The following PGAP1 variants were observed in gnomAD, a reference collection of about 807,000 sequenced individuals.
PGAP1 encodes the protein post-GPI attachment to proteins inositol deacylase 1.
PGAP1 carries 76 observed loss-of-function variants against 127.0 expected under a neutral mutation model. The ratio of observed to expected loss-of-function variants is 0.60; its 90% CI spans 0.50 to 0.72. The LOEUF (loss-of-function observed/expected upper bound fraction) is 0.72. Ranked by LOEUF, PGAP1 falls within the 30% of genes least tolerant of loss-of-function variation. PGAP1 has a pLI of 0.00. For synonymous variants in PGAP1, 362 were observed against 366.5 expected (o/e 0.99, Z 0.14); for missense variants, 982 against 1,071.3 (o/e 0.92, Z 1.16).
chr2:196,881,356 T>C (rs902841965), intron 12 of PGAP1, among the ~76,000 whole-genome samples: 4 of 152,190 alleles, frequency 2.6e-5, no homozygotes, highest in African/African-American at 7.2e-5. Flanking sequence ...TATAATAGAA[T>C]GCTTTATATT....
rs779641500 is a variant in PGAP1, at chr2:196,872,983, A to C, written c.1596T>G (p.Tyr532Ter). The C allele has an allele frequency of 2.8e-6, 3 of 1,081,010 alleles. No individual in the cohort carries two copies. The highest frequency in any genetic ancestry group is 4.1e-6 in the Non-Finnish European group (3 of 735,382). 67.0% of individuals were successfully genotyped at this position (1,081,010 alleles called of 1,614,324 possible). ...ACTGTGCAATGGTTAGTGAATCTTC[A>C]TAAGACCAAGGAATATGAAGTCTAT... ...SIYRLHIPWS[Y>*]EDSLTIAQAP... is the part of the protein sequence containing the mutation. The change falls in exon 17 of 27, where the codon TAT (tyrosine) becomes TAG (stop). Residue 532 changes from tyrosine to a stop codon, truncating the protein, a stop_gained. Coordinates refer to ENST00000354764, the MANE Select transcript of PGAP1 (RefSeq NM_024989.4). LOFTEE classifies it high-confidence loss of function.
At chr2:196,881,565 C>A (rs938503456) in intron 12 of PGAP1, among the ~76,000 whole-genome samples, 1 of 152,212 alleles carries the variant, frequency 6.6e-6, no homozygotes, top group Non-Finnish European at 1.5e-5. Flanking sequence ...GCCATTCTGA[C>A]TGGTGCGAGA....
In PGAP1 at chr2:196,844,568, G is replaced by C. The variant is rs1203333153; in HGVS notation, c.2293C>G (p.His765Asp). Residue 765 changes from histidine (H) to aspartate (D), a missense_variant, in exon 24 of 27, where the codon CAT becomes GAT. Coordinates refer to ENST00000354764, the MANE Select transcript of PGAP1 (RefSeq NM_024989.4). ...SYLYYVFKVV[H>D]LQASLTTFKN... ...AAAGTTGTTAAGCTGGCTTGCAGAT[G>C]AACAACCTAAGAAAAATAAATTGCT... 8 of 1,593,608 alleles carry C rather than the reference G, an allele frequency of 5.0e-6. No individual in the cohort carries two copies. Among genetic ancestry groups the C allele is most frequent in the Non-Finnish European group, 6.0e-6 (7 of 1,171,668 alleles).
At chr2:196,911,449 A>T (rs1202841768) in intron 4 of PGAP1, among the ~76,000 whole-genome samples, 3 of 76,918 alleles carry the variant, frequency 3.9e-5, no homozygotes, top group African/African-American at 1.5e-4. Flanking sequence ...CACTCTGGGG[A>T]CTGTGGTGGG....
intron 2 of PGAP1, 112 bp downstream of exon 2, chr2:196,919,885 T>C: frequency 9.1e-7 from 1 of 1,104,650 alleles, no homozygotes. Context: ...GCACAGCACT[T>C]CACACACAGC....
Position 196,912,874 on chromosome 2 carries a change from G to A in PGAP1, c.649+8C>T. 1.9e-6 allele frequency: 3 copies of A among 1,598,394 alleles called. No homozygotes were observed. Among genetic ancestry groups the A allele is most frequent in the South Asian group, 2.3e-5 (2 of 88,034 alleles). ...TGGGGAGGTTAATGTTCATGTAACA[G>A]TACTCACCTGTAATGAAACGATCTA... is the stretch of plus-strand genomic sequence containing the variant. On this transcript the variant is annotated splice_region_variant and intron_variant, in intron 4 of 26. Transcript: ENST00000354764.
chr2:196,841,252 T>C lies in PGAP1; in HGVS notation c.2751A>G (p.Ala917=). ...TCCAATCTTACATAAAGTTGCATAA[T>C]GCATGGAGTAAAAGAGGAATGAAGA... ...CFVFIPLLLH[A]LCNFM The change falls in exon 27 of 27, where the codon GCA becomes GCG. Residue 917 remains alanine, a synonymous_variant. Transcript: ENST00000354764. 1 of 1,613,210 alleles carries C rather than the reference T, an allele frequency of 6.2e-7. No individual in the cohort carries two copies. The highest frequency in any genetic ancestry group is 8.5e-7 in the Non-Finnish European group (1 of 1,179,682).
intron 23 of PGAP1, among the ~76,000 whole-genome samples, chr2:196,844,824 C>A (rs998632919): frequency 6.6e-6 from 1 of 152,154 alleles, no homozygotes; most frequent in Admixed American, 6.5e-5. Flanking sequence ...ACAATACAAA[C>A]TTCTGGAGTA....
At chr2:196,881,796 T>A (rs1701741728) in intron 12 of PGAP1, among the ~76,000 whole-genome samples, 1 of 152,248 alleles carries the variant, frequency 6.6e-6, no homozygotes, top group South Asian at 2.1e-4. Flanking sequence ...TTGCAAAATT[T>A]TTCTCCCATT....
Position 196,873,539 on chromosome 2 carries a change from G to A in PGAP1, c.1541C>T (p.Ser514Leu), listed in dbSNP as rs1701469667. 6 of 1,609,254 alleles carry A rather than the reference G, an allele frequency of 3.7e-6. No individual in the cohort carries two copies. The highest frequency in any genetic ancestry group is 5.1e-6 in the Non-Finnish European group (6 of 1,177,456). The change falls in exon 16 of 27, where the codon TCA (serine) becomes TTA (leucine). Residue 514 changes from serine (S) to leucine (L), a missense_variant. By Grantham distance (145) the Ser-to-Leu change is moderately radical. Transcript: ENST00000354764. ...AFKINVVSKC[S>L]AVKEEITSIY... Reference sequence around the variant, plus strand: ...GAAAACATATTTACCTTTGACTGCTGAGCACTTGCTTACCACGTTGATTTT... The same window carrying A: ...GAAAACATATTTACCTTTGACTGCTAAGCACTTGCTTACCACGTTGATTTT...
rs1413431383 is a variant in PGAP1 at position 196,840,593 on chromosome 2, T to C, written c.*641A>G. On this transcript the variant is annotated 3_prime_UTR_variant, in exon 27 of 27. Coordinates refer to ENST00000354764, the MANE Select transcript of PGAP1 (RefSeq NM_024989.4). Reference sequence around the variant, plus strand: ...AAATAGCAAGAAAAATTGTGTAAGTTTGAATCATGTTTCCACCCATCAATC... The same window carrying C: ...AAATAGCAAGAAAAATTGTGTAAGTCTGAATCATGTTTCCACCCATCAATC... 6.6e-6 allele frequency: 1 copy of C among 151,956 alleles called. No individual in the cohort carries two copies. The highest frequency in any genetic ancestry group is 1.9e-4 in the East Asian group (1 of 5,190). The allele number at this position is 151,956 out of a possible 1,614,324, so 9.4% of individuals were successfully genotyped here.
At chr2:196,893,646 T>C (rs1329225819) in intron 7 of PGAP1, among the ~76,000 whole-genome samples, 2 of 152,192 alleles carry the variant, frequency 1.3e-5, no homozygotes, top group Admixed American at 1.3e-4. Context: ...TCTGGTCTTG[T>C]GATCCCAATG....
chr2:196,859,924 T>C (rs752380570), intron 20 of PGAP1, among the ~76,000 whole-genome samples: 1 of 151,554 alleles, frequency 6.6e-6, no homozygotes, highest in Non-Finnish European at 1.5e-5. Context: ...GAAAAAAAAA[T>C]TGAAAGCTTT....
At chr2:196,858,588 C>T (rs930827941) in intron 20 of PGAP1, among the ~76,000 whole-genome samples, 1 of 151,618 alleles carries the variant, frequency 6.6e-6, no homozygotes, top group African/African-American at 2.4e-5. Flanking sequence ...AGAAAGACTT[C>T]AAATAAAAAA....
At chr2:196,879,947 G>T in intron 13 of PGAP1, 129 bp downstream of exon 13, 1 of 678,592 alleles carries the variant, frequency 1.5e-6, no homozygotes, top group South Asian at 1.7e-5. Context: ...TAATTTAACA[G>T]TCTTAGGTGG....
At chr2:196,851,486 T>C (rs1189922667) in intron 20 of PGAP1, among the ~76,000 whole-genome samples, 1 of 152,210 alleles carries the variant, frequency 6.6e-6, no homozygotes, top group East Asian at 1.9e-4. Flanking sequence ...CCTTCCTGAA[T>C]ATGCAAACAA....
intron 19 of PGAP1, among the ~76,000 whole-genome samples, chr2:196,866,312 A>C (rs1701240643): frequency 6.6e-6 from 1 of 152,198 alleles, no homozygotes; most frequent in South Asian, 2.1e-4. Flanking sequence ...CTCAGAAATA[A>C]CACCACACAT....
At chr2:196,848,578 C>T (rs2125779942) in intron 20 of PGAP1, among the ~76,000 whole-genome samples, 1 of 152,204 alleles carries the variant, frequency 6.6e-6, no homozygotes, top group Admixed American at 6.5e-5. Flanking sequence ...TTGTGATGGT[C>T]TCCTTCCACT....
chr2:196,917,237 T>C (rs972827203), intron 2 of PGAP1, among the ~76,000 whole-genome samples: 5 of 152,172 alleles, frequency 3.3e-5, no homozygotes, highest in African/African-American at 9.7e-5. Context: ...ATATTATAAA[T>C]TGCTTATATT....
Sources: allele counts gnomAD v4.1 joint callset (sites outside exome capture counted in the v4.1 genomes callset), GRCh38; gene constraint gnomAD v4.1.1; transcripts MANE v1.5; gene names NCBI Gene and HGNC (gene_info 2026-07-23, HGNC 2026-07-21).